Variants in GALNTL6 observed in about 807,000 individuals in gnomAD.
The protein encoded by GALNTL6 is polypeptide N-acetylgalactosaminyltransferase-like 6.
A neutral mutation model predicts 73.7 loss-of-function variants in GALNTL6; 46 were observed. That is an observed-to-expected ratio of 0.62 (90% CI 0.49 to 0.80). The LOEUF (loss-of-function observed/expected upper bound fraction) is 0.80, where lower values mean the gene tolerates loss of function less well. Among genes scored for constraint, GALNTL6 ranks in the 30% least tolerant of loss-of-function variants. The pLI is 0.00. For missense variants in GALNTL6, 604 were observed against 755.0 expected, an observed-to-expected ratio of 0.80 and a Z score of 2.34; for synonymous variants, 259 against 263.7, an observed-to-expected ratio of 0.98 and a Z score of 0.17.
At chr4:172,838,386 A>G (rs1438614999) in intron 7 of GALNTL6, among the ~76,000 whole-genome samples, 2 of 152,194 alleles carry the variant, frequency 1.3e-5, no homozygotes, top group African/African-American at 4.8e-5. Flanking sequence ...GTGTGTCCAC[A>G]GGGATGTCCC....
chr4:172,975,570 T>C (rs1750769601), intron 10 of GALNTL6, among the ~76,000 whole-genome samples: 1 of 152,102 alleles, frequency 6.6e-6, no homozygotes, highest in South Asian at 2.1e-4. Flanking sequence ...GAGTCCCTGG[T>C]TTGAAGGTGG....
chr4:172,937,166 G>A (rs916417081), intron 9 of GALNTL6, among the ~76,000 whole-genome samples: 1 of 152,022 alleles, frequency 6.6e-6, no homozygotes, highest in African/African-American at 2.4e-5. Context: ...CCTTGAACAG[G>A]AAGTATCAGG....
intron 10 of GALNTL6, among the ~76,000 whole-genome samples, chr4:172,980,079 G>A (rs17254681): frequency 0.13 from 19,908 of 152,126 alleles, 1,371 homozygotes; most frequent in Non-Finnish European, 0.15. Context: ...AGAAAATTGT[G>A]TTTACACAGA....
intron 7 of GALNTL6, among the ~76,000 whole-genome samples, chr4:172,818,649 A>G (rs977222604): frequency 6.6e-6 from 1 of 152,168 alleles, no homozygotes; most frequent in African/African-American, 2.4e-5. Flanking sequence ...CCCAGGTTGG[A>G]GTGCAGTGGG....
intron 5 of GALNTL6, among the ~76,000 whole-genome samples, chr4:172,429,600 C>T (rs1731365990): frequency 6.6e-6 from 1 of 152,142 alleles, no homozygotes; most frequent in African/African-American, 2.4e-5. Context: ...TTTACTATTA[C>T]ATCAGGCAAT....
intron 2 of GALNTL6, among the ~76,000 whole-genome samples, chr4:172,001,259 C>T (rs1327887110): frequency 6.6e-6 from 1 of 152,174 alleles, no homozygotes; most frequent in Non-Finnish European, 1.5e-5. Context: ...AATTAGTATA[C>T]TTTCAGTGTA....
At chr4:172,167,698 C>T (rs1209579650) in intron 2 of GALNTL6, among the ~76,000 whole-genome samples, 2 of 151,530 alleles carry the variant, frequency 1.3e-5, no homozygotes, top group African/African-American at 4.9e-5. Flanking sequence ...GTGGCTCACG[C>T]CTGTAATCCC....
chr4:171,875,180 G>A (rs1236847045), intron 2 of GALNTL6, among the ~76,000 whole-genome samples: 1 of 152,162 alleles, frequency 6.6e-6, no homozygotes, highest in Non-Finnish European at 1.5e-5. Flanking sequence ...CAGGAAGTGT[G>A]GGGGTCCTTG....
At chr4:172,928,559 A>G (rs968027951) in intron 8 of GALNTL6, among the ~76,000 whole-genome samples, 2 of 152,164 alleles carry the variant, frequency 1.3e-5, no homozygotes, top group African/African-American at 4.8e-5. Flanking sequence ...GCAGATTTCA[A>G]CACATCTAGT....
At chr4:172,309,167 T>G (rs1300895606) in intron 3 of GALNTL6, among the ~76,000 whole-genome samples, 1 of 152,150 alleles carries the variant, frequency 6.6e-6, no homozygotes, top group Non-Finnish European at 1.5e-5. Flanking sequence ...AGGTTTCCAG[T>G]CTGCTTTTTG....
intron 7 of GALNTL6, among the ~76,000 whole-genome samples, chr4:172,818,997 T>C (rs887870639): frequency 6.6e-6 from 1 of 152,200 alleles, no homozygotes; most frequent in Non-Finnish European, 1.5e-5. Context: ...AGCCTTCAAA[T>C]GTCCCTAGGC....
intron 4 of GALNTL6, among the ~76,000 whole-genome samples, chr4:172,314,862 G>T (rs547753597): frequency 1.3e-5 from 2 of 151,882 alleles, no homozygotes; most frequent in Admixed American, 6.6e-5. Context: ...CGCCTGCCTC[G>T]GCCTCCCAAA....
intron 7 of GALNTL6, among the ~76,000 whole-genome samples, chr4:172,861,329 G>GTGTC (rs386402299): frequency 6.6e-5 from 10 of 150,650 alleles, no homozygotes; most frequent in Admixed American, 5.3e-4. Context: ...ATGTGTGTGT[G>GTGTC]TGTGTGTGTG....
Position 172,012,001 on chromosome 4 carries a change from T to C in GALNTL6, c.138+197283T>C, listed in dbSNP as rs140067718. Among the ~76,000 whole-genome samples, 536 of 152,168 alleles carry C rather than the reference T, an allele frequency of 3.5e-3. 2 individuals are homozygous for C. The highest frequency in any genetic ancestry group is 5.9e-3 in the Non-Finnish European group (400 of 67,972). ...TTTTTAAAAAGTGCAAGCCTGCTTATTGATTTGTCATTTCAGGTGGGCAAT... is the reference window on the plus strand; with the variant it reads ...TTTTTAAAAAGTGCAAGCCTGCTTACTGATTTGTCATTTCAGGTGGGCAAT... On this transcript the variant is annotated intron_variant, in intron 2 of 12. Transcript: ENST00000506823.
At chr4:172,971,848 G>A (rs1206840383) in intron 10 of GALNTL6, among the ~76,000 whole-genome samples, 1 of 152,112 alleles carries the variant, frequency 6.6e-6, no homozygotes, top group Non-Finnish European at 1.5e-5. Context: ...TAATAAATCA[G>A]TATGTCAGAG....
chr4:171,949,508 T>C (rs1738803599), intron 2 of GALNTL6, among the ~76,000 whole-genome samples: 1 of 151,922 alleles, frequency 6.6e-6, no homozygotes, highest in African/African-American at 2.4e-5. Context: ...TCACAAAACC[T>C]GAGAGGGGAA....
At chr4:172,104,055 T>C (rs1305060578) in intron 2 of GALNTL6, among the ~76,000 whole-genome samples, 1 of 152,054 alleles carries the variant, frequency 6.6e-6, no homozygotes, top group East Asian at 1.9e-4. Context: ...GCCATTCTCC[T>C]GCCTCAGCCT....
chr4:172,883,010 G>T, intron 8 of GALNTL6, 103 bp downstream of exon 8: 1 of 648,154 alleles, frequency 1.5e-6, no homozygotes, highest in Non-Finnish European at 2.7e-6. Flanking sequence ...ATGACTTAAT[G>T]GTAATAGATG....
chr4:171,995,762 G>A (rs145344700), intron 2 of GALNTL6, among the ~76,000 whole-genome samples: 1 of 151,884 alleles, frequency 6.6e-6, no homozygotes. Flanking sequence ...AAATAGAACT[G>A]TAACAATAGA....
Sources: allele counts gnomAD v4.1 joint callset (sites outside exome capture counted in the v4.1 genomes callset), GRCh38; gene constraint gnomAD v4.1.1; transcripts MANE v1.5; gene names NCBI Gene and HGNC (gene_info 2026-07-23, HGNC 2026-07-21).